The following SDC4 variants were observed in gnomAD, a reference collection of about 807,000 sequenced individuals.
SDC4 encodes the protein syndecan 4.
Under a neutral mutation model 20.5 loss-of-function variants are expected in SDC4, and 17 were observed. The ratio of observed to expected loss-of-function variants is 0.83; its 90% CI spans 0.57 to 1.25. The LOEUF (loss-of-function observed/expected upper bound fraction) is 1.25. Among genes scored for constraint, SDC4 ranks in the 50% most tolerant of loss-of-function variants. The pLI is 0.00. For synonymous variants in SDC4, 107 were observed against 105.3 expected (o/e 1.02, Z -0.10); for missense variants, 241 against 252.3 (o/e 0.96, Z 0.30).
At chr20:45,338,137 AGCC>A (rs1258246260) in intron 1 of SDC4, among the ~76,000 whole-genome samples, 2 of 152,192 alleles carry the variant, frequency 1.3e-5, no homozygotes. Flanking sequence ...CCAAGCACAC[AGCC>A]TGTCTAGGTC....
chr20:45,343,886 T>G (rs182540129), intron 1 of SDC4, among the ~76,000 whole-genome samples: 5 of 152,336 alleles, frequency 3.3e-5, no homozygotes, highest in Admixed American at 1.3e-4. Flanking sequence ...GGTATCATGA[T>G]CTTCTTAACA....
At chr20:45,341,020 T>C (rs1987945527) in intron 1 of SDC4, among the ~76,000 whole-genome samples, 1 of 152,202 alleles carries the variant, frequency 6.6e-6, no homozygotes. Context: ...CTATATGAGC[T>C]TGGGAGTTTA....
intron 1 of SDC4, among the ~76,000 whole-genome samples, chr20:45,348,084 G>C (rs1162598242): frequency 6.6e-6 from 1 of 152,204 alleles, no homozygotes; most frequent in Non-Finnish European, 1.5e-5. Flanking sequence ...CCCGCGGCGG[G>C]GCTGAGGCCC....
At chr20:45,328,317 T>C (rs1351654890) in intron 4 of SDC4, among the ~76,000 whole-genome samples, 1 of 152,204 alleles carries the variant, frequency 6.6e-6, no homozygotes, top group African/African-American at 2.4e-5. Context: ...TTCATCTCCC[T>C]ACCGCAAAAT....
At chr20:45,337,528 T>G (rs901998811) in intron 1 of SDC4, among the ~76,000 whole-genome samples, 2 of 152,180 alleles carry the variant, frequency 1.3e-5, no homozygotes, top group Non-Finnish European at 2.9e-5. Flanking sequence ...TAACTCAGGA[T>G]AGAAAGAGGT....
intron 1 of SDC4, among the ~76,000 whole-genome samples, chr20:45,337,919 T>G (rs1422422895): frequency 6.6e-6 from 1 of 152,208 alleles, no homozygotes; most frequent in African/African-American, 2.4e-5. Flanking sequence ...CAGAGATGAC[T>G]TCATGACTCG....
intron 4 of SDC4, among the ~76,000 whole-genome samples, chr20:45,328,261 T>G (rs1180514336): frequency 1.3e-5 from 2 of 152,178 alleles, no homozygotes; most frequent in Admixed American, 1.3e-4. Context: ...TGGTTTCCAC[T>G]CCTACCTCTC....
At position 45,335,801 on chromosome 20, in the gene SDC4, C is replaced by A. The variant is rs770984284; in HGVS notation, c.180G>T (p.Leu60=). ...GPGQESDDFE[L]SGSGDLDDLE... is the part of the protein sequence containing the mutation. Reference sequence around the variant, plus strand: ...CCGTACCCAGATCTCCAGAGCCAGACAGCTCAAAGTCATCAGATTCCTGCC... The same window carrying A: ...CCGTACCCAGATCTCCAGAGCCAGAAAGCTCAAAGTCATCAGATTCCTGCC... Residue 60 remains leucine (L), a synonymous_variant, in exon 2 of 5, where the codon CTG becomes CTT. Transcript: ENST00000372733. The A allele has an allele frequency of 6.2e-7, 1 of 1,613,952 alleles. No individual in the cohort carries two copies. Among genetic ancestry groups the A allele is most frequent in the Non-Finnish European group, 8.5e-7 (1 of 1,179,930 alleles).
At chr20:45,336,137 G>A (rs1987863089) in intron 1 of SDC4, among the ~76,000 whole-genome samples, 1 of 152,206 alleles carries the variant, frequency 6.6e-6, no homozygotes, top group African/African-American at 2.4e-5. Context: ...ATGAGGCTGG[G>A]CACAGTGGCT....
intron 4 of SDC4, among the ~76,000 whole-genome samples, chr20:45,330,128 A>G (rs538928924): frequency 9.8e-5 from 15 of 152,316 alleles, no homozygotes; most frequent in African/African-American, 3.4e-4. Context: ...GAATGACTCA[A>G]TGCCTATTTT....
chr20:45,328,338 A>G (rs755348168), intron 4 of SDC4, among the ~76,000 whole-genome samples: 2 of 152,222 alleles, frequency 1.3e-5, no homozygotes, highest in Non-Finnish European at 2.9e-5. Flanking sequence ...GGGAAGAGCC[A>G]TACCTTTCTC....
At chr20:45,333,850 G>A (rs1987818867) in intron 2 of SDC4, among the ~76,000 whole-genome samples, 1 of 151,804 alleles carries the variant, frequency 6.6e-6, no homozygotes, top group Non-Finnish European at 1.5e-5. Context: ...ACTGTTGAAT[G>A]TTTAAAATGT....
chr20:45,334,546 T>C (rs549068919), intron 2 of SDC4, among the ~76,000 whole-genome samples: 6 of 152,156 alleles, frequency 3.9e-5, no homozygotes, highest in South Asian at 4.2e-4. Flanking sequence ...TGGAGTGCAA[T>C]GGCGTGATCT....
At chr20:45,330,949 G>A (rs537533964) in intron 3 of SDC4, among the ~76,000 whole-genome samples, 2 of 152,328 alleles carry the variant, frequency 1.3e-5, no homozygotes, top group South Asian at 2.1e-4. Context: ...CAGAGACTAC[G>A]TGTAAAAGAT....
chr20:45,346,905 T>C (rs1600736100), intron 1 of SDC4, among the ~76,000 whole-genome samples: 3 of 152,190 alleles, frequency 2.0e-5, no homozygotes, highest in Admixed American at 2.0e-4. Context: ...AAGCAGAAAC[T>C]TGAAAGCCTG....
chr20:45,340,360 G>A (rs1987936916), intron 1 of SDC4, among the ~76,000 whole-genome samples: 1 of 152,010 alleles, frequency 6.6e-6, no homozygotes, highest in Non-Finnish European at 1.5e-5. Flanking sequence ...AGGTTCAGCT[G>A]AGTCACTTAT....
chr20:45,329,013 T>C (rs917973734), intron 4 of SDC4, among the ~76,000 whole-genome samples: 1 of 152,162 alleles, frequency 6.6e-6, no homozygotes, highest in Non-Finnish European at 1.5e-5. Flanking sequence ...TCAGTCCAAA[T>C]GCCAGGTCTG....
At chr20:45,332,913 G>C in intron 3 of SDC4, 110 bp downstream of exon 3, 1 of 1,037,202 alleles carries the variant, frequency 9.6e-7, no homozygotes, top group South Asian at 1.4e-5. Context: ...CCGCATAGTG[G>C]GGTAAGACCC....
At chr20:45,328,419 T>C (rs1987727607) in intron 4 of SDC4, among the ~76,000 whole-genome samples, 1 of 152,244 alleles carries the variant, frequency 6.6e-6, no homozygotes, top group South Asian at 2.1e-4. Flanking sequence ...GTGCATAGCA[T>C]ATTCTCAAGA....
Sources: allele counts gnomAD v4.1 joint callset (sites outside exome capture counted in the v4.1 genomes callset), GRCh38; gene constraint gnomAD v4.1.1; transcripts MANE v1.5; gene names NCBI Gene and HGNC (gene_info 2026-07-23, HGNC 2026-07-21).